The following NAA16 variants were observed in gnomAD, a reference collection of about 807,000 sequenced individuals.
NAA16 encodes N-alpha-acetyltransferase 16, NatA auxiliary subunit, also known as NARG1-like protein.
A neutral mutation model predicts 110.3 loss-of-function variants in NAA16; 97 were observed. That is an observed-to-expected ratio of 0.88 (90% CI 0.75 to 1.04). The LOEUF (loss-of-function observed/expected upper bound fraction) is 1.04, where lower values mean the gene tolerates loss of function less well. Among genes scored for constraint, NAA16 ranks in the 50% least tolerant of loss-of-function variants. The pLI, the probability that NAA16 is intolerant of heterozygous loss-of-function variation, is 0.00. For synonymous variants in NAA16, 372 were observed against 330.6 expected, an observed-to-expected ratio of 1.13 and a Z score of -1.36; for missense variants, 1,017 against 1,005.1, an observed-to-expected ratio of 1.01 and a Z score of -0.16.
chr13:41,311,470 A>G lies in NAA16; in HGVS notation c.-59A>G. The G allele has an allele frequency of 6.5e-7, 1 of 1,529,202 alleles. No homozygotes were observed. The allele number at this position is 1,529,202 out of a possible 1,614,324, so 94.7% of individuals were successfully genotyped here. ...TTCGTCCCGGTGCCCACCCCCGCGA[A>G]GCGGAGCGCCCGGGCACCTAGCCTC... On this transcript the variant is annotated 5_prime_UTR_variant, in exon 1 of 20. Coordinates refer to ENST00000379406, the MANE Select transcript of NAA16 (RefSeq NM_024561.5).
chr13:41,330,989 A>G (rs547079089), intron 7 of NAA16, among the ~76,000 whole-genome samples: 2 of 152,162 alleles, frequency 1.3e-5, no homozygotes, highest in Non-Finnish European at 2.9e-5. Flanking sequence ...GAAGTGCAGC[A>G]TATCTTGAGT....
intron 15 of NAA16, among the ~76,000 whole-genome samples, chr13:41,369,519 C>A (rs2043275188): frequency 6.6e-6 from 1 of 152,136 alleles, no homozygotes; most frequent in Non-Finnish European, 1.5e-5. Flanking sequence ...TGTCTGTGTT[C>A]TGGTCCCCCC....
At chr13:41,332,866 A>T (rs2042276896) in intron 8 of NAA16, among the ~76,000 whole-genome samples, 1 of 152,184 alleles carries the variant, frequency 6.6e-6, no homozygotes, top group African/African-American at 2.4e-5. Flanking sequence ...GATTTTAAAA[A>T]TTCATTTTAT....
intron 14 of NAA16, among the ~76,000 whole-genome samples, chr13:41,368,417 G>A (rs935122927): frequency 6.6e-6 from 1 of 152,108 alleles, no homozygotes. Flanking sequence ...AAAGTGATTT[G>A]CCTGGAGTCA....
intron 9 of NAA16, among the ~76,000 whole-genome samples, chr13:41,348,568 A>G (rs2042745152): frequency 6.6e-6 from 1 of 152,072 alleles, no homozygotes; most frequent in Admixed American, 6.5e-5. Context: ...TGTTTAGGAT[A>G]TTGCATTTAT....
At chr13:41,353,799 AC>A (rs2042907788) in intron 9 of NAA16, among the ~76,000 whole-genome samples, 1 of 136,084 alleles carries the variant, frequency 7.3e-6, no homozygotes, top group Non-Finnish European at 1.6e-5. Context: ...ACACACACAC[AC>A]ACCCCAAAAC....
At chr13:41,353,522 T>C (rs1174664562) in intron 9 of NAA16, among the ~76,000 whole-genome samples, 1 of 151,694 alleles carries the variant, frequency 6.6e-6, no homozygotes, top group African/African-American at 2.4e-5. Flanking sequence ...CCCAGCACTT[T>C]GGTAGGTGGA....
At chr13:41,324,200 C>T (rs1368022455) in intron 5 of NAA16, among the ~76,000 whole-genome samples, 1 of 151,926 alleles carries the variant, frequency 6.6e-6, no homozygotes, top group African/African-American at 2.4e-5. Flanking sequence ...TACGTCACAC[C>T]AGAGAATTGA....
chr13:41,326,993 C>T (rs1022826505), intron 6 of NAA16, among the ~76,000 whole-genome samples: 1 of 152,118 alleles, frequency 6.6e-6, no homozygotes, highest in Admixed American at 6.6e-5. Flanking sequence ...TTGCCATTTC[C>T]AAAATATCAT....
rs1427414156 is a variant in NAA16, at chr13:41,318,923, A to T, written c.244+13A>T. ...AAGAGTCATGTCTGTATCCTTTTGC[A>T]GTAGTTAAATAGTTTATGTTTTAGC... On this transcript the variant is annotated intron_variant, in intron 3 of 19. Transcript: ENST00000379406. The T allele has an allele frequency of 6.7e-7, 1 of 1,488,032 alleles. No individual in the cohort carries two copies. Among genetic ancestry groups the T allele is most frequent in the Admixed American group, 2.1e-5 (1 of 47,852 alleles). The allele number at this position is 1,488,032 out of a possible 1,614,324, so 92.2% of individuals were successfully genotyped here.
intron 5 of NAA16, among the ~76,000 whole-genome samples, chr13:41,325,438 A>G (rs539838002): frequency 1.3e-5 from 2 of 152,010 alleles, no homozygotes; most frequent in South Asian, 2.1e-4. Flanking sequence ...TGTAGATTCT[A>G]TAGTATTTCA....
Position 41,331,317 on chromosome 13 carries a change from G to A in NAA16, c.855G>A (p.Lys285=), listed in dbSNP as rs151077263. The part of the protein sequence containing the change: ...ERLQIYEEIS[K]QHPKAITPRR... ...TTCAAATTTATGAAGAAATTAGTAA[G>A]CAGCACCCCAAAGCAATTACACCCA... Residue 285 remains lysine (K), a synonymous_variant, in exon 8 of 20, where the codon AAG becomes AAA. Transcript: ENST00000379406. 2.7e-3 allele frequency: 4,392 copies of A among 1,609,914 alleles called. 23 individuals are homozygous for A. Among genetic ancestry groups the A allele is most frequent in the Middle Eastern group, 0.019 (115 of 6,046 alleles).
At chr13:41,324,965 T>TG (rs1450229481) in intron 5 of NAA16, among the ~76,000 whole-genome samples, 1 of 149,324 alleles carries the variant, frequency 6.7e-6, no homozygotes, top group African/African-American at 2.5e-5. Context: ...TAGTTTTTTT[T>TG]TTTTTTTTTT....
At chr13:41,319,863 ATT>A (rs371132882) in intron 3 of NAA16, among the ~76,000 whole-genome samples, 5 of 138,684 alleles carry the variant, frequency 3.6e-5, no homozygotes, top group Admixed American at 7.1e-5. Flanking sequence ...ATTGATTTTC[ATT>A]TTTTTTTTTT....
At chr13:41,327,139 A>T (rs2042115140) in intron 6 of NAA16, among the ~76,000 whole-genome samples, 1 of 151,982 alleles carries the variant, frequency 6.6e-6, no homozygotes, top group African/African-American at 2.4e-5. Context: ...TGAGCGTCTT[A>T]CTTTTAACTA....
chr13:41,315,680 G>A (rs1220916208), intron 1 of NAA16, among the ~76,000 whole-genome samples: 2 of 152,146 alleles, frequency 1.3e-5, no homozygotes, highest in African/African-American at 2.4e-5. Flanking sequence ...GTGTGTATGC[G>A]TGCACACACC....
intron 14 of NAA16, 101 bp from the exon 15 acceptor site, chr13:41,368,989 A>G: frequency 9.9e-7 from 1 of 1,005,682 alleles, no homozygotes; most frequent in Non-Finnish European, 1.4e-6. Context: ...CCAATCCCCC[A>G]CTGATACCAA....
At chr13:41,323,255 C>T in intron 5 of NAA16, 65 bp downstream of exon 5, 2 of 1,487,972 alleles carry the variant, frequency 1.3e-6, no homozygotes, top group Admixed American at 3.9e-5. Context: ...ATTGTCCCTG[C>T]TCTCAAATGT....
At chr13:41,342,111 C>A (rs12874999) in intron 9 of NAA16, among the ~76,000 whole-genome samples, 1 of 148,670 alleles carries the variant, frequency 6.7e-6, no homozygotes, top group Non-Finnish European at 1.5e-5. Context: ...GGATTACAGG[C>A]GTGAGCCACC....
Sources: allele counts gnomAD v4.1 joint callset (sites outside exome capture counted in the v4.1 genomes callset), GRCh38; gene constraint gnomAD v4.1.1; transcripts MANE v1.5; gene names NCBI Gene and HGNC (gene_info 2026-07-23, HGNC 2026-07-21).